The following ATG5 variants were observed in gnomAD, a reference collection of about 807,000 sequenced individuals.
The protein encoded by ATG5 is autophagy protein 5.
A neutral mutation model predicts 36.5 loss-of-function variants in ATG5; 14 were observed. The observed-to-expected ratio is 0.38, with a 90% CI of 0.25 to 0.60. ATG5 has a LOEUF of 0.60. Ranked by LOEUF, ATG5 falls within the 20% of genes least tolerant of loss-of-function variation. The probability of loss-of-function intolerance (pLI) is 0.60; values close to 1 mark genes in which losing one functional copy is unlikely to be tolerated. For missense variants in ATG5, 195 were observed against 326.7 expected (o/e 0.60, Z 3.11); for synonymous variants, 95 against 101.5 (o/e 0.94, Z 0.38).
chr6:106,243,862 A>T (rs549262928), intron 6 of ATG5, among the ~76,000 whole-genome samples: 183 of 150,594 alleles, frequency 1.2e-3, no homozygotes, highest in African/African-American at 3.9e-3. Flanking sequence ...AAATAAAATT[A>T]AAAAATATAT....
chr6:106,299,573 C>T (rs999800108), intron 3 of ATG5, among the ~76,000 whole-genome samples: 1 of 152,150 alleles, frequency 6.6e-6, no homozygotes, highest in African/African-American at 2.4e-5. Context: ...TGTTCTTTTT[C>T]TTCTTTACAT....
At chr6:106,192,966 C>T (rs1046351152) in intron 7 of ATG5, among the ~76,000 whole-genome samples, 7 of 152,140 alleles carry the variant, frequency 4.6e-5, no homozygotes, top group African/African-American at 9.7e-5. Context: ...GTCTCAGCCA[C>T]GGAGGTAATA....
chr6:106,191,861 T>C (rs527819307), intron 7 of ATG5, among the ~76,000 whole-genome samples: 19 of 152,254 alleles, frequency 1.2e-4, no homozygotes, highest in Middle Eastern at 3.4e-3. Context: ...AATAAGTTCA[T>C]TTTTTTAGTA....
intron 6 of ATG5, among the ~76,000 whole-genome samples, chr6:106,231,382 G>C (rs1307431007): frequency 6.6e-6 from 1 of 152,216 alleles, no homozygotes; most frequent in Admixed American, 6.5e-5. Context: ...TCAGGTCAAT[G>C]ATAGGTCGAC....
intron 6 of ATG5, among the ~76,000 whole-genome samples, chr6:106,242,240 A>C (rs1422438295): frequency 6.6e-6 from 1 of 152,168 alleles, no homozygotes; most frequent in East Asian, 1.9e-4. Flanking sequence ...TCAGCTTCCC[A>C]AAGTGCTGAG....
intron 1 of ATG5, chr6:106,325,315 C>T (rs1171627869): frequency 6.6e-6 from 1 of 152,358 alleles, no homozygotes; most frequent in Non-Finnish European, 1.5e-5. Flanking sequence ...AGGGACCCCG[C>T]AGGCCACACC....
chr6:106,249,454 T>C (rs1426445898), intron 5 of ATG5, among the ~76,000 whole-genome samples: 1 of 152,244 alleles, frequency 6.6e-6, no homozygotes, highest in Non-Finnish European at 1.5e-5. Flanking sequence ...GGCTGAATAA[T>C]ATTCCATTAT....
chr6:106,244,466 C>T (rs193145508), intron 6 of ATG5, among the ~76,000 whole-genome samples: 22 of 152,306 alleles, frequency 1.4e-4, no homozygotes, highest in African/African-American at 4.6e-4. Context: ...CAACGTCCCC[C>T]TTTGCCTACA....
chr6:106,239,016 T>C (rs963420715), intron 6 of ATG5, among the ~76,000 whole-genome samples: 1 of 152,166 alleles, frequency 6.6e-6, no homozygotes, highest in Admixed American at 6.5e-5. Flanking sequence ...TTAGATCTGA[T>C]AAAGACTAGG....
chr6:106,227,185 T>G (rs1234171932), intron 6 of ATG5, among the ~76,000 whole-genome samples: 4 of 151,928 alleles, frequency 2.6e-5, no homozygotes, highest in African/African-American at 9.7e-5. Flanking sequence ...AAAGAGAGAC[T>G]CTCAAAACAG....
chr6:106,212,071 A>G (rs185433799), intron 6 of ATG5, among the ~76,000 whole-genome samples: 197 of 152,334 alleles, frequency 1.3e-3, no homozygotes, highest in African/African-American at 4.4e-3. Context: ...TCATTTATTG[A>G]TTAATCAAGA....
intron 5 of ATG5, among the ~76,000 whole-genome samples, chr6:106,253,858 C>T (rs1018680304): frequency 2.0e-5 from 3 of 152,158 alleles, no homozygotes; most frequent in Non-Finnish European, 4.4e-5. Flanking sequence ...CTCCTTACTG[C>T]CTGCATCTGG....
chr6:106,211,599 A>G (rs962328176), intron 6 of ATG5, among the ~76,000 whole-genome samples: 2 of 152,182 alleles, frequency 1.3e-5, no homozygotes, highest in Non-Finnish European at 2.9e-5. Context: ...AGTCCCAGCT[A>G]CTCAGGAGGC....
chr6:106,300,048 T>C (rs1016957779), intron 3 of ATG5, among the ~76,000 whole-genome samples: 2 of 152,220 alleles, frequency 1.3e-5, no homozygotes, highest in African/African-American at 4.8e-5. Context: ...TTTCACAGCT[T>C]TCTAAGCCCA....
chr6:106,198,768 CCTGTCTGGG>C (rs386704566), intron 7 of ATG5, among the ~76,000 whole-genome samples: 3,694 of 131,232 alleles, frequency 0.028, 58 homozygotes, highest in African/African-American at 0.059. Flanking sequence ...AGAGCGAGAC[CCTGTCTGGG>C]AAAAAAAAAA....
At position 106,269,540 on chromosome 6, in the gene ATG5, G is replaced by A. The variant is rs539956341; in HGVS notation, c.478+10121C>T. 4.2e-3 allele frequency among the ~76,000 whole-genome samples: 644 copies of A among 152,352 alleles called. 3 individuals are homozygous for A. The highest frequency in any genetic ancestry group is 0.014 in the African/African-American group (592 of 41,590). ...AGGCATGGCGGGCTGCAGGTCCCGA[G>A]CCCTGCCCCGCGGGAAGGCAGCTAA... On this transcript the variant is annotated intron_variant, in intron 5 of 7. Transcript: ENST00000369076.
chr6:106,276,940 G>T (rs1486113491), intron 5 of ATG5, among the ~76,000 whole-genome samples: 1 of 152,116 alleles, frequency 6.6e-6, no homozygotes, highest in African/African-American at 2.4e-5. Flanking sequence ...GTGGTACGGG[G>T]CCTAGTGCTT....
intron 7 of ATG5, among the ~76,000 whole-genome samples, chr6:106,188,267 T>C (rs1444490084): frequency 1.3e-5 from 2 of 152,212 alleles, no homozygotes; most frequent in Non-Finnish European, 2.9e-5. Context: ...CTGTATTAAA[T>C]CTTTCTTAGA....
chr6:106,250,260 A>T (rs549966269), intron 5 of ATG5, among the ~76,000 whole-genome samples: 255 of 150,802 alleles, frequency 1.7e-3, no homozygotes, highest in Non-Finnish European at 2.9e-3. Context: ...GTATATTTTT[A>T]AAAAATTTCT....
Sources: gnomAD v4.1 joint callset for allele counts (sites outside exome capture counted in the v4.1 genomes callset) on GRCh38, gnomAD v4.1.1 for gene constraint, MANE v1.5 for transcripts, NCBI Gene and HGNC (gene_info 2026-07-23, HGNC 2026-07-21) for gene names.